EPHB1: variants seen among roughly 807,000 people sequenced by gnomAD.
The protein encoded by EPHB1 is ephrin type-B receptor 1.
In EPHB1, 30 loss-of-function variants were observed where a neutral mutation model predicts 94.4. The observed-to-expected ratio is 0.32, with a 90% confidence interval of 0.24 to 0.43. The LOEUF (loss-of-function observed/expected upper bound fraction) is 0.43, where lower values mean the gene tolerates loss of function less well. Ranked by LOEUF, EPHB1 falls within the 20% of genes least tolerant of loss-of-function variation. The pLI is 1.00. For missense variants in EPHB1, 1,055 were observed against 1,308.3 expected, an observed-to-expected ratio of 0.81 and a Z score of 2.99; for synonymous variants, 522 against 489.1, an observed-to-expected ratio of 1.07 and a Z score of -0.89.
intron 3 of EPHB1, among the ~76,000 whole-genome samples, chr3:135,086,516 A>G (rs1938368320): frequency 6.6e-6 from 1 of 151,686 alleles, no homozygotes; most frequent in African/African-American, 2.4e-5. Context: ...GACACTAGCA[A>G]GCTGCTAAAC....
intron 1 of EPHB1, among the ~76,000 whole-genome samples, chr3:134,881,834 G>A (rs974649076): frequency 5.3e-5 from 8 of 152,226 alleles, no homozygotes; most frequent in Non-Finnish European, 1.0e-4. Context: ...GCAGGCAGTA[G>A]AAGAAAATGT....
At chr3:134,944,210 C>A (rs543644469) in intron 2 of EPHB1, among the ~76,000 whole-genome samples, 2 of 152,314 alleles carry the variant, frequency 1.3e-5, no homozygotes, top group East Asian at 1.9e-4. Flanking sequence ...TATAGAATCA[C>A]AAAATATGTG....
At chr3:135,257,336 A>G (rs1933444719) in intron 15 of EPHB1, among the ~76,000 whole-genome samples, 2 of 151,902 alleles carry the variant, frequency 1.3e-5, no homozygotes, top group African/African-American at 4.8e-5. Flanking sequence ...TTTTTTCCCC[A>G]TCTTTGTGGT....
intron 10 of EPHB1, among the ~76,000 whole-genome samples, chr3:135,182,906 A>G (rs1371531223): frequency 6.6e-6 from 1 of 152,070 alleles, no homozygotes; most frequent in East Asian, 1.9e-4. Flanking sequence ...TATTTACATC[A>G]TGGGAATGGG....
At chr3:135,147,403 G>A (rs1339096694) in intron 5 of EPHB1, among the ~76,000 whole-genome samples, 1 of 152,198 alleles carries the variant, frequency 6.6e-6, no homozygotes, top group Admixed American at 6.5e-5. Context: ...AATGTTTATA[G>A]AAGCATTATT....
At chr3:134,819,469 T>C (rs1341645290) in intron 1 of EPHB1, among the ~76,000 whole-genome samples, 4 of 152,192 alleles carry the variant, frequency 2.6e-5, no homozygotes, top group Non-Finnish European at 4.4e-5. Flanking sequence ...GTAGCTCCTC[T>C]ATAAAATGGG....
At chr3:134,825,428 T>C (rs971180815) in intron 1 of EPHB1, among the ~76,000 whole-genome samples, 1 of 152,230 alleles carries the variant, frequency 6.6e-6, no homozygotes, top group African/African-American at 2.4e-5. Flanking sequence ...ATTGAATGAG[T>C]GTCCCTTGCA....
intron 3 of EPHB1, among the ~76,000 whole-genome samples, chr3:135,064,997 T>C (rs1937562918): frequency 1.3e-5 from 2 of 152,294 alleles, no homozygotes; most frequent in South Asian, 2.1e-4. Context: ...TTAATTTCCA[T>C]GTATTTGCAT....
chr3:135,200,434 G>T (rs1942723480), intron 11 of EPHB1, among the ~76,000 whole-genome samples: 1 of 151,514 alleles, frequency 6.6e-6, no homozygotes, highest in Non-Finnish European at 1.5e-5. Context: ...TGTGCATGAG[G>T]TTCCCCTGAC....
chr3:134,877,331 C>G (rs550886550), intron 1 of EPHB1, among the ~76,000 whole-genome samples: 1 of 152,166 alleles, frequency 6.6e-6, no homozygotes, highest in Non-Finnish European at 1.5e-5. Flanking sequence ...ATATTGTAGG[C>G]GCTGGGCCCT....
chr3:134,903,654 C>T (rs183586502), intron 1 of EPHB1, among the ~76,000 whole-genome samples: 127 of 152,076 alleles, frequency 8.4e-4, no homozygotes, highest in Non-Finnish European at 1.5e-3. Context: ...TACGCCTGGA[C>T]CAGGTTTTAT....
intron 3 of EPHB1, among the ~76,000 whole-genome samples, chr3:135,092,070 G>GTT (rs1938576296): frequency 6.6e-6 from 1 of 152,312 alleles, no homozygotes; most frequent in Admixed American, 6.5e-5. Flanking sequence ...AAACACTTCG[G>GTT]TTTGAAAACG....
intron 12 of EPHB1, among the ~76,000 whole-genome samples, chr3:135,218,762 C>CA (rs1345114076): frequency 1.3e-5 from 2 of 151,972 alleles, no homozygotes; most frequent in Admixed American, 6.6e-5. Flanking sequence ...TCCTTCCTAG[C>CA]AAAAAAAGAC....
At chr3:135,128,563 AT>A (rs1262101061) in intron 4 of EPHB1, among the ~76,000 whole-genome samples, 1 of 152,212 alleles carries the variant, frequency 6.6e-6, no homozygotes, top group East Asian at 1.9e-4. Flanking sequence ...AGCGGGCCTC[AT>A]GGGAATAAGA....
chr3:134,885,361 C>T (rs371710247), intron 1 of EPHB1, among the ~76,000 whole-genome samples: 46 of 152,340 alleles, frequency 3.0e-4, no homozygotes, highest in East Asian at 2.9e-3. Flanking sequence ...TGTTAGGAAA[C>T]GCAAAACAGT....
intron 1 of EPHB1, among the ~76,000 whole-genome samples, chr3:134,917,225 C>A (rs976980250): frequency 6.6e-6 from 1 of 152,226 alleles, no homozygotes; most frequent in African/African-American, 2.4e-5. Context: ...AAGAAACCCT[C>A]TGAACCATAG....
chr3:135,121,783 G>T (rs978450435), intron 4 of EPHB1, among the ~76,000 whole-genome samples: 1 of 152,034 alleles, frequency 6.6e-6, no homozygotes, highest in Non-Finnish European at 1.5e-5. Flanking sequence ...AGGGCCTTCA[G>T]GTCAAGTGTT....
intron 1 of EPHB1, among the ~76,000 whole-genome samples, chr3:134,803,193 A>C (rs1419673154): frequency 6.6e-6 from 1 of 152,178 alleles, no homozygotes; most frequent in Non-Finnish European, 1.5e-5. Context: ...CACAGATTGC[A>C]CCTGAGGCCC....
chr3:135,126,438 G>A (rs1183273214), intron 4 of EPHB1, among the ~76,000 whole-genome samples: 1 of 152,122 alleles, frequency 6.6e-6, no homozygotes, highest in Admixed American at 6.5e-5. Context: ...GTCAGGGGAG[G>A]ACAATGAATA....
Sources: allele counts gnomAD v4.1 joint callset (sites outside exome capture counted in the v4.1 genomes callset), GRCh38; gene constraint gnomAD v4.1.1; transcripts MANE v1.5; gene names NCBI Gene and HGNC (gene_info 2026-07-23, HGNC 2026-07-21).